ZNF618: variants seen among roughly 807,000 people sequenced by gnomAD.
ZNF618 encodes the protein neural precursor cell expressed, developmentally down-regulated 10.
In ZNF618, 34 loss-of-function variants were observed where a neutral mutation model predicts 103.0. That is an observed-to-expected ratio of 0.33 (90% CI 0.25 to 0.44). The LOEUF is 0.44. ZNF618 is among the 20% of genes least tolerant of loss of function. ZNF618 has a pLI of 1.00. For synonymous variants in ZNF618, 551 were observed against 542.2 expected, an observed-to-expected ratio of 1.02 and a Z score of -0.23; for missense variants, 1,059 against 1,295.4, an observed-to-expected ratio of 0.82 and a Z score of 2.80.
chr9:113,909,232 C>T (rs1452108090), intron 1 of ZNF618, among the ~76,000 whole-genome samples: 5 of 151,980 alleles, frequency 3.3e-5, no homozygotes. Flanking sequence ...AATGGAAGAT[C>T]GAGGCATGTC....
At chr9:113,996,731 G>T (rs375870834) in intron 3 of ZNF618, among the ~76,000 whole-genome samples, 26 of 152,204 alleles carry the variant, frequency 1.7e-4, no homozygotes, top group African/African-American at 6.3e-4. Flanking sequence ...CCATCCCTGG[G>T]AGCAGTCCCA....
intron 1 of ZNF618, among the ~76,000 whole-genome samples, chr9:113,967,652 G>C (rs2132739016): frequency 6.6e-6 from 1 of 152,344 alleles, no homozygotes; most frequent in Middle Eastern, 3.4e-3. Context: ...TGCCTGTAAA[G>C]TGGGGATATT....
chr9:113,918,975 A>G (rs1254883821), intron 1 of ZNF618, among the ~76,000 whole-genome samples: 2 of 152,248 alleles, frequency 1.3e-5, no homozygotes, highest in Non-Finnish European at 2.9e-5. Context: ...GCCACCTTCC[A>G]GAGGCCATAA....
At chr9:113,920,950 A>G (rs1464080091) in intron 1 of ZNF618, among the ~76,000 whole-genome samples, 2 of 152,188 alleles carry the variant, frequency 1.3e-5, no homozygotes, top group East Asian at 1.9e-4. Flanking sequence ...TGGGTAGCCC[A>G]TTTCACAAGT....
At chr9:113,923,220 T>C (rs374980128) in intron 1 of ZNF618, among the ~76,000 whole-genome samples, 110 of 152,328 alleles carry the variant, frequency 7.2e-4, no homozygotes, top group African/African-American at 2.5e-3. Flanking sequence ...GACAATCATA[T>C]TATCTGTGAA....
intron 1 of ZNF618, among the ~76,000 whole-genome samples, chr9:113,946,970 T>A (rs1835096011): frequency 6.6e-6 from 1 of 152,192 alleles, no homozygotes; most frequent in African/African-American, 2.4e-5. Context: ...GCCTGCCTCC[T>A]CCTCACTGTC....
chr9:113,921,212 C>A (rs1426412060), intron 1 of ZNF618, among the ~76,000 whole-genome samples: 1 of 152,224 alleles, frequency 6.6e-6, no homozygotes, highest in East Asian at 1.9e-4. Context: ...CCTGGGTGTT[C>A]CTAGGCAAAT....
At chr9:113,970,051 AAGGTTCTT>A (rs1837801456) in intron 2 of ZNF618, among the ~76,000 whole-genome samples, 1 of 152,158 alleles carries the variant, frequency 6.6e-6, no homozygotes, top group Non-Finnish European at 1.5e-5. Flanking sequence ...TGAGGAAAAA[AAGGTTCTT>A]TCTGTGGCCC....
chr9:114,008,082 T>A, intron 7 of ZNF618, among the ~76,000 whole-genome samples: 1 of 152,220 alleles, frequency 6.6e-6, no homozygotes, highest in Non-Finnish European at 1.5e-5. Context: ...CCAGGCAAAC[T>A]GTCTGCCTGT....
rs775062079 is a variant in ZNF618, at chr9:114,002,633, C to G, written c.521C>G (p.Ala174Gly). Residue 174 changes from alanine (A) to glycine (G), a missense_variant, in exon 6 of 15, where the codon GCC (alanine) becomes GGC (glycine). Physicochemically the swap from Ala to Gly is moderately conservative, Grantham distance 60. Around this residue, in one of 6 missense-constraint regions of ZNF618, gnomAD observed 434 missense variants for 476.0 expected, o/e 0.91. Coordinates refer to ENST00000374126, the MANE Select transcript of ZNF618 (RefSeq NM_001318042.2). ...THVRAHRDTE[A>G]TSGEGASQSN... Reference sequence around the variant, plus strand: ...CTCTCTCTCTTTGCAGACACCGAAGCCACCTCAGGGGAGGGAGCCTCCCAA... The same window carrying G: ...CTCTCTCTCTTTGCAGACACCGAAGGCACCTCAGGGGAGGGAGCCTCCCAA... 1.2e-6 allele frequency: 2 copies of G among 1,611,044 alleles called. No individual in the cohort carries two copies. The highest frequency in any genetic ancestry group is 1.7e-6 in the Non-Finnish European group (2 of 1,179,658).
At chr9:113,914,965 CCTGT>C (rs780503742) in intron 1 of ZNF618, among the ~76,000 whole-genome samples, 1 of 152,164 alleles carries the variant, frequency 6.6e-6, no homozygotes, top group Non-Finnish European at 1.5e-5. Flanking sequence ...AATTTGCACC[CCTGT>C]CTAAGAACAG....
chr9:113,978,456 C>T (rs971500911), intron 2 of ZNF618, among the ~76,000 whole-genome samples: 2 of 152,192 alleles, frequency 1.3e-5, no homozygotes, highest in South Asian at 2.1e-4. Context: ...AGAGCCCAGG[C>T]GCCTTTCTCT....
intron 1 of ZNF618, among the ~76,000 whole-genome samples, chr9:113,912,697 G>A (rs979809945): frequency 6.6e-6 from 1 of 152,096 alleles, no homozygotes; most frequent in African/African-American, 2.4e-5. Context: ...TCCTCCCCTC[G>A]TCTTCCTCCC....
At chr9:113,918,019 A>G (rs879791085) in intron 1 of ZNF618, among the ~76,000 whole-genome samples, 17 of 152,144 alleles carry the variant, frequency 1.1e-4, no homozygotes, top group Non-Finnish European at 1.6e-4. Flanking sequence ...GGGATCCCAC[A>G]TTGCACTTAG....
At chr9:113,965,785 C>T (rs540850365) in intron 1 of ZNF618, among the ~76,000 whole-genome samples, 15 of 152,256 alleles carry the variant, frequency 9.9e-5, no homozygotes, top group Admixed American at 8.5e-4. Flanking sequence ...AGTCCAGTGG[C>T]GGAAGATGGT....
chr9:114,023,555 T>C (rs1449348578), intron 10 of ZNF618, among the ~76,000 whole-genome samples: 1 of 152,128 alleles, frequency 6.6e-6, no homozygotes, highest in Non-Finnish European at 1.5e-5. Context: ...TATTTTCCAT[T>C]TTGTTTGCTT....
intron 13 of ZNF618, among the ~76,000 whole-genome samples, chr9:114,047,452 G>A (rs796868611): frequency 8.5e-5 from 13 of 152,286 alleles, no homozygotes; most frequent in East Asian, 1.9e-4. Context: ...CAAACTTTGC[G>A]AAAGTGAGAG....
chr9:113,988,179 G>T (rs1588247814), intron 2 of ZNF618, 142 bp from the exon 3 acceptor site: 10 of 1,103,226 alleles, frequency 9.1e-6, no homozygotes, highest in Middle Eastern at 2.5e-4. Context: ...AGCCGTGGGG[G>T]TTGTGTGGGA....
intron 10 of ZNF618, among the ~76,000 whole-genome samples, chr9:114,020,083 C>T (rs921825620): frequency 5.9e-5 from 9 of 152,116 alleles, no homozygotes; most frequent in Non-Finnish European, 1.0e-4. Context: ...GTTACAACAT[C>T]ATGTGTTGAA....
Sources: allele counts gnomAD v4.1 joint callset (sites outside exome capture counted in the v4.1 genomes callset), GRCh38; gene constraint gnomAD v4.1.1; regional missense constraint gnomAD v4.1.1; transcripts MANE v1.5; gene names NCBI Gene and HGNC (gene_info 2026-07-23, HGNC 2026-07-21).